GRID2: variants seen among roughly 807,000 people sequenced by gnomAD.
The protein encoded by GRID2 is glutamate receptor ionotropic, delta-2.
GRID2 carries 33 observed loss-of-function variants against 114.8 expected under a neutral mutation model. The ratio of observed to expected loss-of-function variants is 0.29; its 90% CI spans 0.22 to 0.38. GRID2 has a LOEUF of 0.38. Ranked by LOEUF, GRID2 falls within the 10% of genes least tolerant of loss-of-function variation. GRID2 has a pLI of 1.00. For synonymous variants in GRID2, 505 were observed against 449.9 expected (o/e 1.12, Z -1.55); for missense variants, 1,184 against 1,257.7 (o/e 0.94, Z 0.89).
intron 8 of GRID2, among the ~76,000 whole-genome samples, chr4:93,254,423 A>G (rs1161686236): frequency 3.3e-5 from 5 of 152,142 alleles, no homozygotes; most frequent in African/African-American, 1.2e-4. Context: ...CTTGATGCTC[A>G]TGAAGAGAAA....
chr4:93,347,568 G>A (rs985722832), intron 8 of GRID2, among the ~76,000 whole-genome samples: 4 of 151,936 alleles, frequency 2.6e-5, no homozygotes, highest in Admixed American at 6.6e-5. Context: ...AGTGTTTGAC[G>A]TTACACTTAA....
chr4:93,633,175 A>G (rs1439444391), intron 14 of GRID2, among the ~76,000 whole-genome samples: 2 of 151,922 alleles, frequency 1.3e-5, no homozygotes, highest in East Asian at 1.9e-4. Flanking sequence ...TTATTCATTT[A>G]TTTGATTAGT....
chr4:92,742,757 A>T (rs1306974093), intron 2 of GRID2, among the ~76,000 whole-genome samples: 3 of 152,196 alleles, frequency 2.0e-5, no homozygotes, highest in Non-Finnish European at 4.4e-5. Context: ...TCCTCACAGC[A>T]ACCTTTCTTT....
At chr4:93,497,655 AT>A (rs994091240) in intron 12 of GRID2, among the ~76,000 whole-genome samples, 2 of 151,620 alleles carry the variant, frequency 1.3e-5, no homozygotes, top group African/African-American at 4.8e-5. Flanking sequence ...AAAAAAAAAA[AT>A]CTGTTGGCCA....
chr4:93,281,006 CAAAT>C (rs1279984189), intron 8 of GRID2, among the ~76,000 whole-genome samples: 2 of 151,598 alleles, frequency 1.3e-5, no homozygotes, highest in African/African-American at 4.8e-5. Flanking sequence ...GGCAGACAGA[CAAAT>C]AAAATTTACA....
intron 1 of GRID2, among the ~76,000 whole-genome samples, chr4:92,428,552 G>T (rs931178481): frequency 2.0e-5 from 3 of 152,028 alleles, no homozygotes; most frequent in African/African-American, 7.2e-5. Flanking sequence ...ATTAAGAAGA[G>T]ATAGCATTTA....
intron 4 of GRID2, among the ~76,000 whole-genome samples, chr4:93,136,119 C>A (rs183822033): frequency 6.6e-6 from 1 of 152,040 alleles, no homozygotes; most frequent in Non-Finnish European, 1.5e-5. Flanking sequence ...AATGTCCAGG[C>A]GGTTGTATAG....
chr4:92,614,943 GTTT>G (rs201198597), intron 2 of GRID2, among the ~76,000 whole-genome samples: 1 of 139,988 alleles, frequency 7.1e-6, no homozygotes. Context: ...ACTTTGCTAT[GTTT>G]TTTTTTTTTC....
At chr4:93,210,687 A>G (rs1028957472) in intron 5 of GRID2, among the ~76,000 whole-genome samples, 1 of 152,092 alleles carries the variant, frequency 6.6e-6, no homozygotes, top group Non-Finnish European at 1.5e-5. Flanking sequence ...CATATTATAT[A>G]GGTGTAACCT....
At chr4:93,262,630 C>T (rs893866798) in intron 8 of GRID2, among the ~76,000 whole-genome samples, 82 of 151,798 alleles carry the variant, frequency 5.4e-4, no homozygotes, top group African/African-American at 1.8e-3. Context: ...AAAAATCATT[C>T]GTAATCTTAC....
At chr4:92,327,382 G>C (rs1726652483) in intron 1 of GRID2, among the ~76,000 whole-genome samples, 1 of 151,944 alleles carries the variant, frequency 6.6e-6, no homozygotes, top group Non-Finnish European at 1.5e-5. Flanking sequence ...GTGTGTGTGT[G>C]TGTGCCTTCT....
intron 2 of GRID2, among the ~76,000 whole-genome samples, chr4:92,807,138 G>T (rs1740458597): frequency 6.6e-6 from 1 of 151,820 alleles, no homozygotes; most frequent in Non-Finnish European, 1.5e-5. Flanking sequence ...ATATGTATTT[G>T]CCTTAAATGT....
chr4:93,125,337 G>A (rs947208035), intron 4 of GRID2, among the ~76,000 whole-genome samples: 2 of 151,926 alleles, frequency 1.3e-5, no homozygotes, highest in African/African-American at 4.8e-5. Context: ...ACAAATAAAT[G>A]TAGAAGTTTT....
intron 13 of GRID2, among the ~76,000 whole-genome samples, chr4:93,590,008 G>C: frequency 1.3e-5 from 2 of 149,756 alleles, no homozygotes; most frequent in Admixed American, 6.7e-5. Flanking sequence ...TAGGTTGCCT[G>C]TTCACTCTGA....
At chr4:93,061,128 A>AAAT (rs1727754038) in intron 2 of GRID2, among the ~76,000 whole-genome samples, 3 of 144,304 alleles carry the variant, frequency 2.1e-5, no homozygotes, top group Admixed American at 1.4e-4. Context: ...ATAAATAAAT[A>AAAT]AATAAATAAA....
At chr4:92,712,806 T>G (rs1192157646) in intron 2 of GRID2, among the ~76,000 whole-genome samples, 3 of 152,066 alleles carry the variant, frequency 2.0e-5, no homozygotes, top group African/African-American at 7.2e-5. Context: ...TACAAATAGA[T>G]TATTTAGCTT....
chr4:93,140,437 C>G (rs200298305), intron 4 of GRID2, among the ~76,000 whole-genome samples: 1 of 152,246 alleles, frequency 6.6e-6, no homozygotes, highest in African/African-American at 2.4e-5. Context: ...GGATTACAGG[C>G]GTGAGCCACC....
intron 14 of GRID2, among the ~76,000 whole-genome samples, chr4:93,747,281 T>C (rs1311529961): frequency 6.6e-6 from 1 of 152,156 alleles, no homozygotes; most frequent in African/African-American, 2.4e-5. Flanking sequence ...GAAAGACCGT[T>C]CCAAAATACA....
chr4:92,402,845 A>G (rs62311038), intron 1 of GRID2, among the ~76,000 whole-genome samples: 21,288 of 152,156 alleles, frequency 0.14, 1,685 homozygotes, highest in African/African-American at 0.21. Context: ...GAAGGCAGCA[A>G]TTACTTCCCT....
Sources: gnomAD v4.1 joint callset for allele counts (sites outside exome capture counted in the v4.1 genomes callset) on GRCh38, gnomAD v4.1.1 for gene constraint, MANE v1.5 for transcripts, NCBI Gene and HGNC (gene_info 2026-07-23, HGNC 2026-07-21) for gene names.